Variants in RNF144A observed in about 807,000 individuals in gnomAD.
RNF144A encodes E3 ubiquitin-protein ligase RNF144A.
Under a neutral mutation model 38.7 loss-of-function variants are expected in RNF144A, and 11 were observed. The ratio of observed to expected loss-of-function variants is 0.28; its 90% CI spans 0.18 to 0.47. The LOEUF (loss-of-function observed/expected upper bound fraction) is 0.47, where lower values mean the gene tolerates loss of function less well. Ranked by LOEUF, RNF144A falls within the 20% of genes least tolerant of loss-of-function variation. The pLI is 0.99. For synonymous variants in RNF144A, 149 were observed against 143.9 expected (o/e 1.04, Z -0.25); for missense variants, 316 against 377.2 (o/e 0.84, Z 1.34).
At chr2:7,019,461 C>T (rs1671369475) in intron 5 of RNF144A, among the ~76,000 whole-genome samples, 1 of 152,212 alleles carries the variant, frequency 6.6e-6, no homozygotes, top group Admixed American at 6.5e-5. Context: ...TTTGCAAGGA[C>T]TTGTCATCGC....
At chr2:6,996,814 G>A in intron 2 of RNF144A, 102 bp from the exon 3 acceptor site, 6 of 1,244,300 alleles carry the variant, frequency 4.8e-6, no homozygotes, top group Non-Finnish European at 6.7e-6. Context: ...CAGTCAGTTG[G>A]CCACCTCCCT....
chr2:6,942,489 T>C (rs1375529720), intron 2 of RNF144A, among the ~76,000 whole-genome samples: 1 of 152,162 alleles, frequency 6.6e-6, no homozygotes, highest in Admixed American at 6.5e-5. Context: ...CAGATAGCAG[T>C]AGCAGCAGCA....
chr2:6,997,171 G>T lies in RNF144A; in HGVS notation c.135+110G>T, dbSNP rs566329838. ...TTGGACTACATTTTGCCTGACAGTG[G>T]AGTCTTCTTGTTGAGGCCTTCACAC... On this transcript the variant is annotated intron_variant, in intron 3 of 8. Coordinates refer to ENST00000320892, the MANE Select transcript of RNF144A (RefSeq NM_014746.6). 3.7e-5 allele frequency: 39 copies of T among 1,046,244 alleles called. No homozygotes were observed. The African/African-American group carries it at 5.4e-4, about 14-fold the overall frequency. The allele number at this position is 1,046,244 out of a possible 1,614,324, so 64.8% of individuals were successfully genotyped here. A position where few individuals can be genotyped will look rare whatever the true frequency, so the allele number is the denominator to read the frequency against.
At chr2:6,964,980 T>G (rs935263491) in intron 2 of RNF144A, among the ~76,000 whole-genome samples, 8 of 151,406 alleles carry the variant, frequency 5.3e-5, no homozygotes, top group Non-Finnish European at 1.2e-4. Context: ...ATAATAAAAA[T>G]AAAAAAAAGA....
At chr2:7,004,038 T>G (rs2103402908) in intron 3 of RNF144A, among the ~76,000 whole-genome samples, 1 of 152,332 alleles carries the variant, frequency 6.6e-6, no homozygotes, top group East Asian at 1.9e-4. Context: ...CTCTCTCCTC[T>G]TGCTTTCTCA....
rs1255429614 is a variant in RNF144A at position 7,044,081 on chromosome 2, A to G, written c.*4321A>G. 1.3e-5 allele frequency: 13 copies of G among 985,744 alleles called. No homozygotes were observed. Among genetic ancestry groups the G allele is most frequent in the Non-Finnish European group, 1.6e-5 (13 of 829,794 alleles). 61.1% of individuals were successfully genotyped at this position (985,744 alleles called of 1,614,324 possible). On this transcript the variant is annotated 3_prime_UTR_variant, in exon 9 of 9. Transcript: ENST00000320892. ...AAAGTTTGATTTGTAATTTCAATAC[A>G]TATTTTAAATGTATTGTGTCTTACG...
intron 8 of RNF144A, among the ~76,000 whole-genome samples, chr2:7,031,810 G>A (rs922553650): frequency 6.6e-6 from 1 of 152,276 alleles, no homozygotes; most frequent in African/African-American, 2.4e-5. Flanking sequence ...AGCAGATGCT[G>A]AGCATTCTTG....
At chr2:7,058,649 A>G (rs1258824600) in intron 6 of RNF144A, among the ~76,000 whole-genome samples, 5 of 152,240 alleles carry the variant, frequency 3.3e-5, no homozygotes, top group Admixed American at 2.6e-4. Context: ...ACAATTTTTT[A>G]TATCACATGT....
chr2:6,966,568 A>G (rs1667679176), intron 2 of RNF144A, among the ~76,000 whole-genome samples: 1 of 152,206 alleles, frequency 6.6e-6, no homozygotes, highest in Admixed American at 6.5e-5. Context: ...CAAAATGTCT[A>G]AAGCAGCCCA....
rs1040967962 is a variant in RNF144A at position 7,044,013 on chromosome 2, A to T, written c.*4253A>T. 9 of 985,866 alleles carry T rather than the reference A, an allele frequency of 9.1e-6. No homozygotes were observed. In the African/African-American group the frequency reaches 1.4e-4, roughly 15 times the overall value. 61.1% of individuals were successfully genotyped at this position (985,866 alleles called of 1,614,324 possible). A position where few individuals can be genotyped will look rare whatever the true frequency, so the allele number is the denominator to read the frequency against. ...TGTGATGTATAAAAGAGCTGTTTGA[A>T]TGCCTTTTAATGTTGTGTTTTGTAC... On this transcript the variant is annotated 3_prime_UTR_variant, in exon 9 of 9. Coordinates refer to ENST00000320892, the MANE Select transcript of RNF144A (RefSeq NM_014746.6).
intron 2 of RNF144A, among the ~76,000 whole-genome samples, chr2:6,970,635 C>T (rs947694041): frequency 2.0e-5 from 3 of 152,184 alleles, no homozygotes; most frequent in Non-Finnish European, 4.4e-5. Flanking sequence ...TCATTTTATA[C>T]AGGAGAAAAC....
chr2:6,977,023 A>G (rs1347658589), intron 2 of RNF144A, among the ~76,000 whole-genome samples: 1 of 152,226 alleles, frequency 6.6e-6, no homozygotes, highest in East Asian at 1.9e-4. Flanking sequence ...ATTCCCAGAA[A>G]TTGGGCTTCT....
In RNF144A at chr2:6,988,729, T is replaced by G. The variant is rs553337668; in HGVS notation, c.-11-8187T>G. Among the ~76,000 whole-genome samples the G allele has an allele frequency of 9.9e-5, 15 of 152,270 alleles. No individual in the cohort carries two copies. The East Asian group carries it at 2.9e-3, about 29-fold the overall frequency. ...CCACCATTTTCTAAACTACACTCTTTGGAAGGAAGTCATTCTCTACAGCCC... is the reference window on the plus strand; with the variant it reads ...CCACCATTTTCTAAACTACACTCTTGGGAAGGAAGTCATTCTCTACAGCCC... On this transcript the variant is annotated intron_variant, in intron 2 of 8. Coordinates refer to ENST00000320892, the MANE Select transcript of RNF144A (RefSeq NM_014746.6).
intron 1 of RNF144A, among the ~76,000 whole-genome samples, chr2:6,940,674 T>A (rs1665908923): frequency 6.6e-6 from 1 of 152,292 alleles, no homozygotes; most frequent in East Asian, 1.9e-4. Flanking sequence ...ATGGCTGTGA[T>A]TGAAAAGGAG....
rs114960251 is a variant in RNF144A at position 6,973,015 on chromosome 2, G to A, written c.-11-23901G>A. 3.5e-3 allele frequency among the ~76,000 whole-genome samples: 536 copies of A among 152,306 alleles called. 2 individuals carry two copies. Among genetic ancestry groups the A allele is most frequent in the African/African-American group, 0.012 (515 of 41,560 alleles). On this transcript the variant is annotated intron_variant, in intron 2 of 8. Transcript: ENST00000320892. ...TCTTGACATTTACTAACTTTGTGAC[G>A]TTGGACAAGTTGGGGAACTTTAAAG...
At chr2:6,978,226 T>A (rs1668427713) in intron 2 of RNF144A, among the ~76,000 whole-genome samples, 1 of 152,240 alleles carries the variant, frequency 6.6e-6, no homozygotes, top group South Asian at 2.1e-4. Flanking sequence ...TATGATGGCC[T>A]GTGAATGTGG....
At chr2:7,022,820 T>C (rs1220818151) in intron 6 of RNF144A, among the ~76,000 whole-genome samples, 2 of 152,216 alleles carry the variant, frequency 1.3e-5, no homozygotes, top group Non-Finnish European at 2.9e-5. Flanking sequence ...TTTGCACATA[T>C]GCTATCTCGT....
intron 2 of RNF144A, among the ~76,000 whole-genome samples, chr2:6,992,689 A>G (rs1669471298): frequency 6.6e-6 from 1 of 152,192 alleles, no homozygotes; most frequent in South Asian, 2.1e-4. Context: ...AGGGGCCTAC[A>G]GAGGTCCGTA....
intron 3 of RNF144A, among the ~76,000 whole-genome samples, chr2:7,008,442 G>A (rs905491687): frequency 1.3e-5 from 2 of 152,182 alleles, no homozygotes; most frequent in Admixed American, 6.5e-5. Flanking sequence ...AGGCCTGACC[G>A]GTCACACTGG....
Sources: allele counts gnomAD v4.1 joint callset (sites outside exome capture counted in the v4.1 genomes callset), GRCh38; gene constraint gnomAD v4.1.1; transcripts MANE v1.5; gene names NCBI Gene and HGNC (gene_info 2026-07-23, HGNC 2026-07-21).